TSR1: variants seen among roughly 807,000 people sequenced by gnomAD.
TSR1 encodes TSR1 ribosome maturation factor, also known as pre-rRNA-processing protein TSR1 homolog.
TSR1 carries 81 observed loss-of-function variants against 90.9 expected under a neutral mutation model. The ratio of observed to expected loss-of-function variants is 0.89; its 90% CI spans 0.74 to 1.07. The LOEUF is 1.07. TSR1 is among the 50% of genes least tolerant of loss of function. The probability of loss-of-function intolerance (pLI) is 0.00; values close to 1 mark genes in which losing one functional copy is unlikely to be tolerated. For synonymous variants in TSR1, 362 were observed against 348.8 expected (o/e 1.04, Z -0.42); for missense variants, 989 against 987.3 (o/e 1.00, Z -0.02).
At chr17:2,329,603 G>A in intron 10 of TSR1, 128 bp from the exon 11 acceptor site, 2 of 1,143,926 alleles carry the variant, frequency 1.7e-6, no homozygotes, top group East Asian at 2.5e-5. Flanking sequence ...ATTAATGGTG[G>A]AGTGTAGATG....
intron 11 of TSR1, among the ~76,000 whole-genome samples, chr17:2,326,038 T>C (rs2075574500): frequency 6.6e-6 from 1 of 152,226 alleles, no homozygotes; most frequent in Admixed American, 6.5e-5. Flanking sequence ...GTGATTCTTC[T>C]GCCTCAGGCT....
rs567278233 is a variant in TSR1 at position 2,323,695 on chromosome 17, T to A, written c.*501A>T. ...GTGTGGGAGAGGATGAAACTACTCA[T>A]TGAACCTACAGCTGGTGTTGGAGTG... On this transcript the variant is annotated 3_prime_UTR_variant, in exon 15 of 15. Coordinates refer to ENST00000301364, the MANE Select transcript of TSR1 (RefSeq NM_018128.5). 6.2e-7 allele frequency: 1 copy of A among 1,614,214 alleles called. No individual in the cohort carries two copies. The highest frequency in any genetic ancestry group is 8.5e-7 in the Non-Finnish European group (1 of 1,180,028).
chr17:2,323,936 A>G lies in TSR1; in HGVS notation c.*260T>C, dbSNP rs982460553. ...AGATACTGAAGACATTTTGTTTCCTAGTATTGTCAACTCTTAGTTATCAGA... is the reference window on the plus strand; with the variant it reads ...AGATACTGAAGACATTTTGTTTCCTGGTATTGTCAACTCTTAGTTATCAGA... On this transcript the variant is annotated 3_prime_UTR_variant, in exon 15 of 15. Coordinates refer to ENST00000301364, the MANE Select transcript of TSR1 (RefSeq NM_018128.5). 12 of 1,439,232 alleles carry G rather than the reference A, an allele frequency of 8.3e-6. No homozygotes were observed. The highest frequency in any genetic ancestry group is 1.2e-5 in the Non-Finnish European group (12 of 1,037,448). 89.2% of individuals were successfully genotyped at this position (1,439,232 alleles called of 1,614,324 possible).
rs367786896 is a variant in TSR1, at chr17:2,334,755, A to G, written c.698T>C (p.Leu233Pro). Residue 233 changes from leucine (L) to proline (P), a missense_variant, in exon 5 of 15, where the codon CTT becomes CCT. Physicochemically the swap from Leu to Pro is moderately conservative, Grantham distance 98 (BLOSUM62 -3). Transcript: ENST00000301364. ...LDTQQEAGML[L>P]RQLANQKQQH... ...TTGCTTCTGGTTAGCCAACTGCCTA[A>G]GCAGCATCCCTGCCTCCTGTTGAGT... 16 of 1,614,222 alleles carry G rather than the reference A, an allele frequency of 9.9e-6. No individual in the cohort carries two copies. The highest frequency in any genetic ancestry group is 1.4e-5 in the Non-Finnish European group (16 of 1,180,040).
chr17:2,325,476 T>C lies in TSR1; in HGVS notation c.1904-56A>G, dbSNP rs554469952. 355 of 1,361,256 alleles carry C rather than the reference T, an allele frequency of 2.6e-4. 1 individual carries two copies. The African/African-American group carries it at 3.8e-3, about 15-fold the overall frequency. The allele number at this position is 1,361,256 out of a possible 1,614,324, so 84.3% of individuals were successfully genotyped here. ...AACCATTTTGAGAAACCAGAGGTGA[T>C]AGAGGCCTGTGAAAAGCTGTATTAG... On this transcript the variant is annotated intron_variant, in intron 11 of 14. Transcript: ENST00000301364.
At chr17:2,333,859 A>G (rs1393417906) in intron 5 of TSR1, 143 bp from the exon 6 acceptor site, 3 of 1,042,284 alleles carry the variant, frequency 2.9e-6, no homozygotes, top group Non-Finnish European at 4.1e-6. Context: ...AACTTTTCCA[A>G]TGGCTGTTTT....
chr17:2,329,320 A>C, intron 11 of TSR1, 23 bp downstream of exon 11: 9 of 1,613,300 alleles, frequency 5.6e-6, no homozygotes, highest in Non-Finnish European at 7.6e-6. Flanking sequence ...GATGGACAAG[A>C]ACCCAGCTTC....
rs1411382970 is a variant in TSR1 at position 2,323,476 on chromosome 17, A to T, written c.*720T>A. ...ACTTCATGACATGGGAGGGTACCCT[A>T]GATGTATTAATGACAACCCTCTTGA... On this transcript the variant is annotated 3_prime_UTR_variant, in exon 15 of 15. Transcript: ENST00000301364. 6.8e-6 allele frequency: 8 copies of T among 1,175,412 alleles called. No individual in the cohort carries two copies. The highest frequency in any genetic ancestry group is 9.7e-6 in the Non-Finnish European group (8 of 823,442). 72.8% of individuals were successfully genotyped at this position (1,175,412 alleles called of 1,614,324 possible). A position where few individuals can be genotyped will look rare whatever the true frequency, so the allele number is the denominator to read the frequency against.
At chr17:2,334,007 C>T (rs550191278) in intron 5 of TSR1, among the ~76,000 whole-genome samples, 1 of 152,214 alleles carries the variant, frequency 6.6e-6, no homozygotes, top group South Asian at 2.1e-4. Flanking sequence ...TTTGATCCAC[C>T]ACTGTGCCTA....
intron 4 of TSR1, among the ~76,000 whole-genome samples, 162 bp from the exon 5 acceptor site, chr17:2,335,058 A>G (rs2064042537): frequency 6.6e-6 from 1 of 152,356 alleles, no homozygotes; most frequent in Admixed American, 6.5e-5. Flanking sequence ...ATCAAACTTC[A>G]TATCCTTGTT....
chr17:2,335,440 A>G (rs762228204), intron 3 of TSR1, 46 bp from the exon 4 acceptor site: 47 of 1,582,882 alleles, frequency 3.0e-5, no homozygotes, highest in Non-Finnish European at 3.5e-5. Context: ...GCACCAGCAC[A>G]TTATTCTAAA....
chr17:2,333,089 C>T lies in TSR1; in HGVS notation c.1177G>A (p.Val393Ile). 1 of 1,614,072 alleles carries T rather than the reference C, an allele frequency of 6.2e-7. No individual in the cohort carries two copies. Among genetic ancestry groups the T allele is most frequent in the Non-Finnish European group, 8.5e-7 (1 of 1,180,000 alleles). ...LKESSKVVKK[V>I]PKGTSSYQAE... ...TGGTAACTGGATGTTCCTTTGGGGA[C>T]CTTCTTTACCACCTTAGAACTTTCC... The change falls in exon 7 of 15, where the codon GTC (valine) becomes ATC (isoleucine). Residue 393 changes from valine (V) to isoleucine (I), a missense_variant. Physicochemically the swap from Val to Ile is conservative, Grantham distance 29. Coordinates refer to ENST00000301364, the MANE Select transcript of TSR1 (RefSeq NM_018128.5).
Position 2,323,674 on chromosome 17 carries a change from G to T in TSR1, c.*522C>A. 1.9e-6 allele frequency: 3 copies of T among 1,614,114 alleles called. No individual in the cohort carries two copies. The African/African-American group carries it at 4.0e-5, about 22-fold the overall frequency. On this transcript the variant is annotated 3_prime_UTR_variant, in exon 15 of 15. Coordinates refer to ENST00000301364, the MANE Select transcript of TSR1 (RefSeq NM_018128.5). ...CAACAGTGTGCAACCCAGCTGGTGT[G>T]GGAGAGGATGAAACTACTCATTGAA...
At position 2,333,466 on chromosome 17, in the gene TSR1, A is replaced by G. The variant is rs1192083168; in HGVS notation, c.1141+91T>C. The G allele has an allele frequency of 3.9e-6, 6 of 1,519,164 alleles. No individual in the cohort carries two copies. The East Asian group carries it at 9.0e-5, about 23-fold the overall frequency. 94.1% of individuals were successfully genotyped at this position (1,519,164 alleles called of 1,614,324 possible). ...AGACTTTCAACTATACCCCCACCCC[A>G]CTCTATCCTATAGGGCCCTCACTTG... On this transcript the variant is annotated intron_variant, in intron 6 of 14. Coordinates refer to ENST00000301364, the MANE Select transcript of TSR1 (RefSeq NM_018128.5).
Position 2,324,810 on chromosome 17 carries a change from A to G in TSR1, c.2040T>C (p.Ala680=). The change falls in exon 13 of 15, where the codon GCT becomes GCC. Residue 680 remains alanine (A), a synonymous_variant. Coordinates refer to ENST00000301364, the MANE Select transcript of TSR1 (RefSeq NM_018128.5). ...QKSNGMHSLI[A]TGHLMSVDPD... is the part of the protein sequence containing the mutation. Reference sequence around the variant, plus strand: ...GATCTACTGACATAAGATGGCCTGTAGCAATGAGGCTGTGCATTCCTAAAG... The same window carrying G: ...GATCTACTGACATAAGATGGCCTGTGGCAATGAGGCTGTGCATTCCTAAAG... The G allele has an allele frequency of 6.2e-7, 1 of 1,613,766 alleles. No homozygotes were observed. Among genetic ancestry groups the G allele is most frequent in the Non-Finnish European group, 8.5e-7 (1 of 1,179,940 alleles).
intron 7 of TSR1, among the ~76,000 whole-genome samples, 191 bp from the exon 8 acceptor site, chr17:2,332,550 T>C (rs1361405648): frequency 1.3e-5 from 2 of 152,262 alleles, no homozygotes; most frequent in Admixed American, 6.5e-5. Context: ...AAACTAACCA[T>C]ACACGGCCGG....
chr17:2,336,247 G>A (rs140427299), intron 1 of TSR1, 84 bp downstream of exon 1: 10 of 1,598,374 alleles, frequency 6.3e-6, no homozygotes, highest in Middle Eastern at 3.3e-4. Flanking sequence ...AGCCCAGACG[G>A]GAGACAGAAG....
Position 2,335,510 on chromosome 17 carries a change from C to G in TSR1, c.421+1G>C. The G allele has an allele frequency of 6.2e-7, 1 of 1,613,796 alleles. No homozygotes were observed. Among genetic ancestry groups the G allele is most frequent in the Non-Finnish European group, 8.5e-7 (1 of 1,179,922 alleles). ...TACAAAATATTGGTGTATACTCTAA[C>G]CTGGCCTTGCTGAGGTGAAAAACCA... On this transcript the variant is annotated splice_donor_variant, in intron 3 of 14. Coordinates refer to ENST00000301364, the MANE Select transcript of TSR1 (RefSeq NM_018128.5). LOFTEE classifies it high-confidence loss of function.
Position 2,323,349 on chromosome 17 carries a change from A to AG in TSR1, c.*846dup, listed in dbSNP as rs1567780560. ...TGTCACAGAGGATGAAATTAAGGTG[A>AG]GGCTCCAGCAAGAAAAGAAATAGCA... is the stretch of plus-strand genomic sequence containing the variant. On this transcript the variant is annotated 3_prime_UTR_variant, in exon 15 of 15. Coordinates refer to ENST00000301364, the MANE Select transcript of TSR1 (RefSeq NM_018128.5). 16 of 1,613,884 alleles carry AG rather than the reference A, an allele frequency of 9.9e-6. No homozygotes were observed. Among genetic ancestry groups the AG allele is most frequent in the Non-Finnish European group, 1.4e-5 (16 of 1,179,796 alleles).
Sources: allele counts gnomAD v4.1 joint callset (sites outside exome capture counted in the v4.1 genomes callset), GRCh38; gene constraint gnomAD v4.1.1; transcripts MANE v1.5; gene names NCBI Gene and HGNC (gene_info 2026-07-23, HGNC 2026-07-21).